NRXN3: variants seen among roughly 807,000 people sequenced by gnomAD.
NRXN3 encodes neurexin III.
Under a neutral mutation model 137.6 loss-of-function variants are expected in NRXN3, and 32 were observed. The observed-to-expected ratio is 0.23, with a 90% confidence interval of 0.18 to 0.31. The LOEUF (loss-of-function observed/expected upper bound fraction) is 0.31. Ranked by LOEUF, NRXN3 falls within the 10% of genes least tolerant of loss-of-function variation. The pLI, the probability that NRXN3 is intolerant of heterozygous loss-of-function variation, is 1.00. For missense variants in NRXN3, 1,574 were observed against 2,062.5 expected, an observed-to-expected ratio of 0.76 and a Z score of 4.59; for synonymous variants, 798 against 784.5, an observed-to-expected ratio of 1.02 and a Z score of -0.29.
chr14:79,286,935 G>A (rs1229985630), intron 15 of NRXN3, among the ~76,000 whole-genome samples: 2 of 152,154 alleles, frequency 1.3e-5, no homozygotes, highest in African/African-American at 4.8e-5. Context: ...GAAATTGTAT[G>A]AGAGATTAAA....
chr14:79,239,046 G>T (rs1051122689), intron 15 of NRXN3, among the ~76,000 whole-genome samples: 5 of 152,084 alleles, frequency 3.3e-5, no homozygotes, highest in Non-Finnish European at 7.4e-5. Context: ...TTTAACTGTG[G>T]ATAGCACCAA....
chr14:78,470,934 A>T (rs897652327), intron 4 of NRXN3, among the ~76,000 whole-genome samples: 23 of 152,188 alleles, frequency 1.5e-4, no homozygotes, highest in African/African-American at 5.5e-4. Flanking sequence ...AGCTAGTGTC[A>T]AAACCAACCC....
chr14:79,377,797 A>G (rs542098317), intron 15 of NRXN3, among the ~76,000 whole-genome samples: 1 of 152,284 alleles, frequency 6.6e-6, no homozygotes, highest in South Asian at 2.1e-4. Flanking sequence ...ATCCTTCTGT[A>G]GGTTTGTATT....
intron 16 of NRXN3, among the ~76,000 whole-genome samples, chr14:79,567,590 T>G (rs1262224870): frequency 6.6e-6 from 1 of 152,162 alleles, no homozygotes; most frequent in Non-Finnish European, 1.5e-5. Context: ...TATTTAACTA[T>G]TATTTGCTCT....
At chr14:79,581,753 G>C (rs1454314331) in intron 16 of NRXN3, among the ~76,000 whole-genome samples, 1 of 152,100 alleles carries the variant, frequency 6.6e-6, no homozygotes, top group Non-Finnish European at 1.5e-5. Context: ...CTTTGTGTAT[G>C]TGATCGTTTA....
intron 15 of NRXN3, among the ~76,000 whole-genome samples, chr14:79,107,181 T>C (rs1249385550): frequency 2.0e-5 from 3 of 152,106 alleles, no homozygotes; most frequent in African/African-American, 7.2e-5. Flanking sequence ...CACCATAAAG[T>C]TCATTTAATA....
chr14:78,309,051 G>A (rs1033707994), intron 4 of NRXN3, among the ~76,000 whole-genome samples: 16 of 152,086 alleles, frequency 1.1e-4, no homozygotes. Context: ...ATCAAATAGA[G>A]GCTAATGCCT....
At chr14:78,464,890 C>T (rs565873005) in intron 4 of NRXN3, among the ~76,000 whole-genome samples, 5 of 152,292 alleles carry the variant, frequency 3.3e-5, no homozygotes, top group Admixed American at 1.3e-4. Context: ...AATTCTCAGT[C>T]GTATTCTTAC....
intron 20 of NRXN3, among the ~76,000 whole-genome samples, chr14:79,838,754 G>C (rs572279140): frequency 6.6e-6 from 1 of 152,276 alleles, no homozygotes; most frequent in Admixed American, 6.5e-5. Context: ...CTCAGACATG[G>C]TGGGATTCGT....
intron 19 of NRXN3, among the ~76,000 whole-genome samples, chr14:79,798,402 G>A (rs1349080625): frequency 6.6e-6 from 1 of 152,156 alleles, no homozygotes; most frequent in Non-Finnish European, 1.5e-5. Flanking sequence ...AAGGTATAGA[G>A]GGGAAAGAAC....
chr14:78,959,762 T>C (rs1215999907), intron 11 of NRXN3, among the ~76,000 whole-genome samples: 6 of 152,180 alleles, frequency 3.9e-5, no homozygotes, highest in African/African-American at 1.2e-4. Flanking sequence ...ATTCAAGAAC[T>C]GTATGAACTG....
At chr14:79,188,638 A>G (rs1035335985) in intron 15 of NRXN3, among the ~76,000 whole-genome samples, 2 of 152,174 alleles carry the variant, frequency 1.3e-5, no homozygotes, top group Non-Finnish European at 2.9e-5. Flanking sequence ...AATAGCTATC[A>G]TTGGTCATTA....
At chr14:79,282,599 A>T (rs1469242561) in intron 15 of NRXN3, among the ~76,000 whole-genome samples, 1 of 152,102 alleles carries the variant, frequency 6.6e-6, no homozygotes, top group African/African-American at 2.4e-5. Context: ...AGTCTCCTTT[A>T]AATCTTTTTG....
intron 15 of NRXN3, among the ~76,000 whole-genome samples, chr14:79,296,401 G>T (rs538049737): frequency 1.3e-5 from 2 of 151,268 alleles, no homozygotes; most frequent in East Asian, 3.9e-4. Flanking sequence ...ATGTTTTGAA[G>T]AATTATTTCC....
chr14:78,456,857 T>TTTCTTTCTTTCTTTC (rs1567645225), intron 4 of NRXN3, among the ~76,000 whole-genome samples: 14 of 29,080 alleles, frequency 4.8e-4, no homozygotes, highest in Non-Finnish European at 8.5e-4. Context: ...TTCTTTCTTT[T>TTTCTTTCTTTCTTTC]TCTCTTTCTT....
At chr14:78,301,772 C>A (rs2076899524) in intron 4 of NRXN3, among the ~76,000 whole-genome samples, 1 of 152,168 alleles carries the variant, frequency 6.6e-6, no homozygotes, top group Non-Finnish European at 1.5e-5. Flanking sequence ...ATGGCTATCG[C>A]TTATTTGAGT....
chr14:78,851,099 T>C (rs1268158613), intron 10 of NRXN3, among the ~76,000 whole-genome samples: 1 of 152,166 alleles, frequency 6.6e-6, no homozygotes, highest in Non-Finnish European at 1.5e-5. Flanking sequence ...GGAAATTCTT[T>C]GGTAATTGTT....
chr14:78,200,950 C>T (rs1007372880), intron 1 of NRXN3, among the ~76,000 whole-genome samples: 2 of 152,136 alleles, frequency 1.3e-5, no homozygotes, highest in African/African-American at 4.8e-5. Flanking sequence ...TGGGGGGCCT[C>T]TCCCTGGTTC....
At chr14:79,341,600 T>G (rs2092614941) in intron 15 of NRXN3, among the ~76,000 whole-genome samples, 1 of 152,128 alleles carries the variant, frequency 6.6e-6, no homozygotes, top group Non-Finnish European at 1.5e-5. Flanking sequence ...AGAGGGAACT[T>G]AAACTGAGCC....
Sources: allele counts gnomAD v4.1 joint callset (sites outside exome capture counted in the v4.1 genomes callset), GRCh38; gene constraint gnomAD v4.1.1; transcripts MANE v1.5; gene names NCBI Gene and HGNC (gene_info 2026-07-23, HGNC 2026-07-21).